LHFPL3: variants seen among roughly 807,000 people sequenced by gnomAD.
LHFPL3 encodes LHFPL tetraspan subfamily member 3 protein.
In LHFPL3, 5 loss-of-function variants were observed where a neutral mutation model predicts 19.3. The ratio of observed to expected loss-of-function variants is 0.26; its 90% CI spans 0.14 to 0.54. The LOEUF is 0.54. Ranked by LOEUF, LHFPL3 falls within the 20% of genes least tolerant of loss-of-function variation. LHFPL3 has a pLI of 0.94. For synonymous variants in LHFPL3, 133 were observed against 126.2 expected (o/e 1.05, Z -0.36); for missense variants, 249 against 307.4 (o/e 0.81, Z 1.42).
intron 1 of LHFPL3, among the ~76,000 whole-genome samples, chr7:104,416,315 C>G (rs1254429478): frequency 2.6e-5 from 4 of 152,160 alleles, no homozygotes; most frequent in Admixed American, 2.6e-4. Flanking sequence ...CCTACTACAC[C>G]TTGATTTTGG....
chr7:104,522,100 A>C (rs967717430), intron 1 of LHFPL3, among the ~76,000 whole-genome samples: 2 of 152,052 alleles, frequency 1.3e-5, no homozygotes, highest in African/African-American at 4.8e-5. Flanking sequence ...ATGTTTACTG[A>C]GGCATTATTC....
At chr7:104,730,770 T>C (rs574027010) in intron 1 of LHFPL3, among the ~76,000 whole-genome samples, 2 of 152,252 alleles carry the variant, frequency 1.3e-5, no homozygotes, top group Admixed American at 6.5e-5. Context: ...TTTGTCAATT[T>C]TGGCTTTTGT....
At chr7:104,472,586 CGTGA>C (rs1792933084) in intron 1 of LHFPL3, among the ~76,000 whole-genome samples, 3 of 152,224 alleles carry the variant, frequency 2.0e-5, no homozygotes, top group South Asian at 4.2e-4. Context: ...AGGGTATGTG[CGTGA>C]GTATTTGCAA....
chr7:104,689,216 G>A (rs1792862347), intron 1 of LHFPL3, among the ~76,000 whole-genome samples: 1 of 152,124 alleles, frequency 6.6e-6, no homozygotes, highest in African/African-American at 2.4e-5. Flanking sequence ...AAATGCCATG[G>A]GAATAATTGG....
At chr7:104,657,979 C>A (rs1050966626) in intron 1 of LHFPL3, among the ~76,000 whole-genome samples, 1 of 150,720 alleles carries the variant, frequency 6.6e-6, no homozygotes, top group Non-Finnish European at 1.5e-5. Context: ...CCATAGATAC[C>A]AGCACAATTA....
chr7:104,818,225 A>AC (rs1174206424), intron 2 of LHFPL3, among the ~76,000 whole-genome samples: 2 of 152,138 alleles, frequency 1.3e-5, no homozygotes, highest in African/African-American at 4.8e-5. Flanking sequence ...ATTTTCTATC[A>AC]GTTTCAAGAA....
chr7:104,586,788 C>T (rs180775451), intron 1 of LHFPL3, among the ~76,000 whole-genome samples: 5 of 152,232 alleles, frequency 3.3e-5, no homozygotes, highest in East Asian at 3.9e-4. Flanking sequence ...CCGTGTGCTA[C>T]GCCACACAAA....
chr7:104,360,741 G>A (rs1433652499), intron 1 of LHFPL3, among the ~76,000 whole-genome samples: 3 of 126,092 alleles, frequency 2.4e-5, no homozygotes, highest in Admixed American at 8.2e-5. Context: ...GTGTGTGTGT[G>A]TATACATTTA....
intron 1 of LHFPL3, among the ~76,000 whole-genome samples, chr7:104,334,384 T>C (rs1271638197): frequency 2.0e-5 from 3 of 152,092 alleles, no homozygotes; most frequent in Non-Finnish European, 4.4e-5. Flanking sequence ...TTGTCTCTAC[T>C]GAAAATACAA....
chr7:104,906,486 G>T lies in LHFPL3; in HGVS notation c.*271G>T, dbSNP rs1584610788. 2.2e-6 allele frequency: 1 copy of T among 454,940 alleles called. No individual in the cohort carries two copies. Among genetic ancestry groups the T allele is most frequent in the East Asian group, 3.4e-5 (1 of 29,850 alleles). 28.2% of individuals were successfully genotyped at this position (454,940 alleles called of 1,614,324 possible). ...TTGGATGAGATCAGAAAACGTTCAT[G>T]AAAAATCATATTCAGGAAATAAGGA... On this transcript the variant is annotated 3_prime_UTR_variant, in exon 3 of 3. Coordinates refer to ENST00000424859, the MANE Select transcript of LHFPL3 (RefSeq NM_199000.3).
Position 104,494,869 on chromosome 7 carries a change from A to G in LHFPL3, c.445+165645A>G, listed in dbSNP as rs552761802. ...GGCCTTCATGCTTCACACAACCCCC[A>G]GCTGGGGTACAAATACTAGATCCCC... is the stretch of plus-strand genomic sequence containing the variant. On this transcript the variant is annotated intron_variant, in intron 1 of 2. Coordinates refer to ENST00000424859, the MANE Select transcript of LHFPL3 (RefSeq NM_199000.3). Among the ~76,000 whole-genome samples the G allele has an allele frequency of 2.0e-5, 3 of 152,054 alleles. No homozygotes were observed. In the South Asian group the frequency reaches 6.2e-4, roughly 32 times the overall value.
At chr7:104,532,951 T>G (rs997174002) in intron 1 of LHFPL3, among the ~76,000 whole-genome samples, 1 of 152,180 alleles carries the variant, frequency 6.6e-6, no homozygotes, top group Non-Finnish European at 1.5e-5. Flanking sequence ...TTTGGTTTAA[T>G]GTGTCAAGGA....
intron 1 of LHFPL3, among the ~76,000 whole-genome samples, chr7:104,465,385 C>G (rs1237808264): frequency 1.3e-5 from 2 of 152,196 alleles, no homozygotes; most frequent in African/African-American, 4.8e-5. Flanking sequence ...AAAGTTGATT[C>G]CACATTTTCG....
At chr7:104,703,583 A>C (rs1793139487) in intron 1 of LHFPL3, among the ~76,000 whole-genome samples, 1 of 152,064 alleles carries the variant, frequency 6.6e-6, no homozygotes, top group Non-Finnish European at 1.5e-5. Context: ...GTTTATCTTC[A>C]TCTCTACCCT....
intron 2 of LHFPL3, among the ~76,000 whole-genome samples, chr7:104,874,856 CT>C (rs551943012): frequency 2.0e-3 from 291 of 142,996 alleles, no homozygotes; most frequent in Middle Eastern, 3.6e-3. Flanking sequence ...GTTCTTTTTC[CT>C]TTTTTTTTTT....
In LHFPL3 at chr7:104,329,564, G is replaced by T. The variant is rs115611723; in HGVS notation, c.445+340G>T. ...AGTGGCCGCTTAGAGAGATGGGGCC[G>T]GGGTTCCGTGCTGAGGGACTAAGGA... On this transcript the variant is annotated intron_variant, in intron 1 of 2. Transcript: ENST00000424859. 1.8e-3 allele frequency among the ~76,000 whole-genome samples: 267 copies of T among 152,336 alleles called. 2 individuals are homozygous for T. Among genetic ancestry groups the T allele is most frequent in the African/African-American group, 6.2e-3 (258 of 41,592 alleles).
intron 2 of LHFPL3, among the ~76,000 whole-genome samples, chr7:104,872,331 T>G (rs1791853198): frequency 6.7e-6 from 1 of 149,996 alleles, no homozygotes; most frequent in African/African-American, 2.5e-5. Flanking sequence ...AGCAAGACTA[T>G]GTCTCAAACA....
intron 1 of LHFPL3, among the ~76,000 whole-genome samples, chr7:104,526,573 G>T (rs1196521319): frequency 6.6e-6 from 1 of 152,210 alleles, no homozygotes; most frequent in Non-Finnish European, 1.5e-5. Context: ...CTCCATTGCT[G>T]TGACATACCT....
chr7:104,644,046 T>C (rs4730033), intron 1 of LHFPL3, among the ~76,000 whole-genome samples: 148,030 of 152,318 alleles, frequency 0.97, 72,054 homozygotes, highest in East Asian at 1. Context: ...AGTATAGCCA[T>C]TGATAAAAAA....
Sources: gnomAD v4.1 joint callset for allele counts (sites outside exome capture counted in the v4.1 genomes callset) on GRCh38, gnomAD v4.1.1 for gene constraint, MANE v1.5 for transcripts, NCBI Gene and HGNC (gene_info 2026-07-23, HGNC 2026-07-21) for gene names.